HDAC9: variants seen among roughly 807,000 people sequenced by gnomAD.
HDAC9 encodes the protein histone deacetylase 9, also known as MEF-2 interacting transcription repressor (MITR) protein.
A neutral mutation model predicts 139.4 loss-of-function variants in HDAC9; 41 were observed. That is an observed-to-expected ratio of 0.29 (90% confidence interval 0.23 to 0.38). The LOEUF is 0.38. HDAC9 is among the 10% of genes least tolerant of loss of function. HDAC9 has a pLI of 1.00. For missense variants in HDAC9, 1,147 were observed against 1,297.0 expected (o/e 0.88, Z 1.78); for synonymous variants, 517 against 476.2 (o/e 1.09, Z -1.12).
chr7:18,657,839 C>A (rs918096788), intron 11 of HDAC9, among the ~76,000 whole-genome samples: 3 of 152,088 alleles, frequency 2.0e-5, no homozygotes, highest in African/African-American at 7.2e-5. Flanking sequence ...AGGATAAAAT[C>A]CAAACACTTT....
chr7:18,536,958 C>T lies in HDAC9; in HGVS notation c.22+40634C>T, dbSNP rs532318257. ...CTATGTGTATATCTGTGTGTGCTTT[C>T]TCCCAGCTTCCCCTGGAAATTAGTT... On this transcript the variant is annotated intron_variant, in intron 2 of 25. Coordinates refer to ENST00000686413, the MANE Select transcript of HDAC9 (RefSeq NM_178425.4). 2.0e-5 allele frequency among the ~76,000 whole-genome samples: 3 copies of T among 152,324 alleles called. No individual in the cohort carries two copies. The East Asian group carries it at 5.8e-4, about 29-fold the overall frequency.
At position 18,721,255 on chromosome 7, in the gene HDAC9, T is replaced by C. The variant is rs1461691924; in HGVS notation, c.1732-6325T>C. On this transcript the variant is annotated intron_variant, in intron 12 of 25. Coordinates refer to ENST00000686413, the MANE Select transcript of HDAC9 (RefSeq NM_178425.4). ...ACAGGTACAATTCAAGTTTCCTATGTATCTCTCTCCTATTGCCCCTCTCAT... is the reference window on the plus strand; with the variant it reads ...ACAGGTACAATTCAAGTTTCCTATGCATCTCTCTCCTATTGCCCCTCTCAT... Among the ~76,000 whole-genome samples, 7 of 152,294 alleles carry C rather than the reference T, an allele frequency of 4.6e-5. No homozygotes were observed. The East Asian group carries it at 1.4e-3, about 29-fold the overall frequency.
intron 1 of HDAC9, among the ~76,000 whole-genome samples, chr7:18,328,718 T>G (rs1800662303): frequency 6.6e-6 from 1 of 151,898 alleles, no homozygotes; most frequent in Non-Finnish European, 1.5e-5. Context: ...GTTGAGGACT[T>G]TTTGCATCTA....
chr7:18,103,771 A>G (rs1432582458), intron 1 of HDAC9, among the ~76,000 whole-genome samples: 1 of 152,214 alleles, frequency 6.6e-6, no homozygotes, highest in Admixed American at 6.5e-5. Flanking sequence ...ATTTCTGGTC[A>G]CAAAAATATC....
chr7:18,833,390 GC>G (rs1443575246), intron 19 of HDAC9, among the ~76,000 whole-genome samples: 1 of 152,124 alleles, frequency 6.6e-6, no homozygotes, highest in Non-Finnish European at 1.5e-5. Flanking sequence ...ATATTTTTCT[GC>G]TGTTCAAATT....
chr7:18,496,547 C>A, intron 2 of HDAC9: 1 of 526,482 alleles, frequency 1.9e-6, no homozygotes, highest in Non-Finnish European at 3.4e-6. Context: ...AAATTGCAAA[C>A]TATTGCTTCT....
intron 22 of HDAC9, among the ~76,000 whole-genome samples, chr7:18,930,070 A>G (rs1160470268): frequency 2.6e-5 from 4 of 152,198 alleles, no homozygotes; most frequent in Admixed American, 1.3e-4. Context: ...GTGCATCCCA[A>G]TATGAACCTG....
Position 18,467,399 on chromosome 7 carries a change from G to C in HDAC9, c.-41-28863G>C, listed in dbSNP as rs79880012. Among the ~76,000 whole-genome samples, 765 of 152,174 alleles carry C rather than the reference G, an allele frequency of 5.0e-3. 10 individuals carry two copies. Among genetic ancestry groups the C allele is most frequent in the African/African-American group, 0.016 (680 of 41,520 alleles). ...GGTCTCCATCTCACTCCAGGCCTCT[G>C]CTGCTTTCTCTGCCTGAAACAACTC... is the stretch of plus-strand genomic sequence containing the variant. On this transcript the variant is annotated intron_variant, in intron 1 of 3. Transcript: ENST00000413509.
chr7:18,444,229 C>T (rs982814750), intron 1 of HDAC9, among the ~76,000 whole-genome samples: 3 of 149,896 alleles, frequency 2.0e-5, no homozygotes, highest in Admixed American at 1.3e-4. Context: ...GTCCCAGCTA[C>T]TTGGGAGCCT....
intron 1 of HDAC9, among the ~76,000 whole-genome samples, chr7:18,402,802 A>C (rs1787668591): frequency 6.6e-6 from 1 of 152,160 alleles, no homozygotes; most frequent in Non-Finnish European, 1.5e-5. Context: ...CTGGCTAGGC[A>C]CCTCTTTTAA....
chr7:18,174,610 G>A (rs190250860), intron 2 of HDAC9, among the ~76,000 whole-genome samples: 55 of 152,322 alleles, frequency 3.6e-4, no homozygotes, highest in Admixed American at 1.0e-3. Flanking sequence ...GGTCTTTGAT[G>A]TTGGTGACCT....
At chr7:18,595,177 C>G (rs765609348) in intron 6 of HDAC9, among the ~76,000 whole-genome samples, 1 of 151,986 alleles carries the variant, frequency 6.6e-6, no homozygotes, top group Non-Finnish European at 1.5e-5. Context: ...GGATGTTTAA[C>G]TATTGCAAAA....
Position 18,952,211 on chromosome 7 carries a change from G to A in HDAC9, c.2938-1935G>A, listed in dbSNP as rs148515190. ...TTTTTAAAATAGACACAACCCTTTT[G>A]CATCTAACTGAAGATTCTAAATTGG... On this transcript the variant is annotated intron_variant, in intron 23 of 25. Coordinates refer to ENST00000686413, the MANE Select transcript of HDAC9 (RefSeq NM_178425.4). Among the ~76,000 whole-genome samples, 384 of 151,962 alleles carry A rather than the reference G, an allele frequency of 2.5e-3. 1 individual carries two copies. Among genetic ancestry groups the A allele is most frequent in the Middle Eastern group, 0.01 (3 of 294 alleles).
At chr7:18,946,034 C>T (rs1227701829) in intron 23 of HDAC9, among the ~76,000 whole-genome samples, 2 of 53,844 alleles carry the variant, frequency 3.7e-5, no homozygotes, top group Non-Finnish European at 6.0e-5. Context: ...AAGACTCCGT[C>T]TCAAAAAAAA....
intron 2 of HDAC9, among the ~76,000 whole-genome samples, chr7:18,207,040 A>G (rs1477461015): frequency 6.7e-6 from 1 of 149,732 alleles, no homozygotes; most frequent in Non-Finnish European, 1.5e-5. Context: ...GGTTCAAGTG[A>G]TTCTCCAGCC....
chr7:18,667,929 C>A (rs1341983371), intron 12 of HDAC9: 2 of 981,176 alleles, frequency 2.0e-6, no homozygotes, highest in Non-Finnish European at 2.4e-6. Flanking sequence ...TATGGATAAT[C>A]CAAATTGACC....
intron 1 of HDAC9, among the ~76,000 whole-genome samples, chr7:18,098,050 AC>A (rs1782621771): frequency 6.6e-6 from 1 of 152,092 alleles, no homozygotes; most frequent in African/African-American, 2.4e-5. Context: ...TTGCCCTTTT[AC>A]CCTTTCTGGT....
chr7:18,300,462 A>C (rs749788084), intron 1 of HDAC9, among the ~76,000 whole-genome samples: 15 of 152,192 alleles, frequency 9.9e-5, no homozygotes, highest in Non-Finnish European at 2.1e-4. Context: ...GACATTTTAA[A>C]AGCAGGTTGT....
intron 1 of HDAC9, among the ~76,000 whole-genome samples, chr7:18,482,785 A>G (rs1446112283): frequency 2.0e-5 from 3 of 152,184 alleles, no homozygotes; most frequent in East Asian, 1.9e-4. Flanking sequence ...TCTACAGCTC[A>G]TGGGTGTCCT....
Sources: gnomAD v4.1 joint callset for allele counts (sites outside exome capture counted in the v4.1 genomes callset) on GRCh38, gnomAD v4.1.1 for gene constraint, MANE v1.5 for transcripts, NCBI Gene and HGNC (gene_info 2026-07-23, HGNC 2026-07-21) for gene names.